Variants in BCO1 observed in about 807,000 individuals in gnomAD.
The protein encoded by BCO1 is beta,beta-carotene 15,15'-dioxygenase.
A neutral mutation model predicts 56.3 loss-of-function variants in BCO1; 54 were observed. The observed-to-expected ratio is 0.96, with a 90% CI of 0.77 to 1.20. The LOEUF (loss-of-function observed/expected upper bound fraction) is 1.20, where lower values mean the gene tolerates loss of function less well. Among genes scored for constraint, BCO1 ranks in the 50% most tolerant of loss-of-function variants. BCO1 has a pLI of 0.00. For synonymous variants in BCO1, 318 were observed against 266.1 expected (o/e 1.20, Z -1.90); for missense variants, 801 against 690.9 (o/e 1.16, Z -1.79).
intron 2 of BCO1, among the ~76,000 whole-genome samples, chr16:81,255,663 C>T (rs576220411): frequency 6.6e-6 from 1 of 151,940 alleles, no homozygotes; most frequent in Admixed American, 6.6e-5. Context: ...CCTCCCACCA[C>T]ACCCAGCTAA....
chr16:81,255,493 A>ATTTTTTTT (rs59941695), intron 2 of BCO1, among the ~76,000 whole-genome samples: 1 of 150,998 alleles, frequency 6.6e-6, no homozygotes, highest in African/African-American at 2.4e-5. Flanking sequence ...ACATTATGTT[A>ATTTTTTTT]TTTTTTTTTA....
At chr16:81,241,566 C>T (rs745907772) in intron 1 of BCO1, among the ~76,000 whole-genome samples, 4 of 152,192 alleles carry the variant, frequency 2.6e-5, no homozygotes, top group Admixed American at 1.3e-4. Flanking sequence ...CCCAGACCCA[C>T]GGGGTCAGAC....
intron 7 of BCO1, among the ~76,000 whole-genome samples, chr16:81,276,243 T>C (rs1454362307): frequency 6.6e-6 from 1 of 152,246 alleles, no homozygotes. Context: ...TTTGGCACTT[T>C]GGAGGACTGT....
At chr16:81,241,053 C>T (rs1418363930) in intron 1 of BCO1, among the ~76,000 whole-genome samples, 3 of 152,196 alleles carry the variant, frequency 2.0e-5, no homozygotes, top group Non-Finnish European at 2.9e-5. Flanking sequence ...AGGCTGGTCG[C>T]AAACTCCCAA....
At chr16:81,242,264 A>G (rs1417563642) in intron 1 of BCO1, among the ~76,000 whole-genome samples, 2 of 145,494 alleles carry the variant, frequency 1.4e-5, no homozygotes, top group African/African-American at 2.6e-5. Context: ...CAATGGCGCA[A>G]TCTTCGGCTC....
chr16:81,261,908 A>AT (rs1906507980), intron 3 of BCO1: 3 of 447,416 alleles, frequency 6.7e-6, no homozygotes, highest in Non-Finnish European at 4.2e-6. Context: ...CGCCCGGCTG[A>AT]TTTTTTGTAT....
At chr16:81,273,259 A>G (rs973810461) in intron 7 of BCO1, among the ~76,000 whole-genome samples, 21 of 152,162 alleles carry the variant, frequency 1.4e-4, no homozygotes, top group Admixed American at 1.2e-3. Flanking sequence ...CTGAGATTAC[A>G]GGCATGAGCC....
intron 7 of BCO1, among the ~76,000 whole-genome samples, chr16:81,273,244 AAGTGCTGAGATTAC>A (rs1209653334): frequency 6.6e-6 from 1 of 152,058 alleles, no homozygotes; most frequent in Non-Finnish European, 1.5e-5. Context: ...CGGCCTTCCA[AAGTGCTGAGATTAC>A]AGGCATGAGC....
At position 81,267,983 on chromosome 16, in the gene BCO1, C is replaced by T; in HGVS notation, c.695C>T (p.Ser232Phe). 1 of 1,614,044 alleles carries T rather than the reference C, an allele frequency of 6.2e-7. No homozygotes were observed. Among genetic ancestry groups the T allele is most frequent in the Non-Finnish European group, 8.5e-7 (1 of 1,180,026 alleles). The change falls in exon 6 of 11, where the codon TCC (serine) becomes TTC (phenylalanine). Residue 232 changes from serine to phenylalanine, a missense_variant. By Grantham distance (155) the Ser-to-Phe change is radical (BLOSUM62 -2). Coordinates refer to ENST00000258168, the MANE Select transcript of BCO1 (RefSeq NM_017429.3). ...FCSIPSRSLL[S>F]PSYYHSFGVT... ...TCCATCCCATCCCGCTCCCTGCTCT[C>T]CCCAAGCTACTACCACAGCTTTGGA...
At chr16:81,284,299 T>C (rs1009980026) in intron 8 of BCO1, among the ~76,000 whole-genome samples, 2 of 113,628 alleles carry the variant, frequency 1.8e-5, no homozygotes, top group South Asian at 5.9e-4. Context: ...TATTTATATA[T>C]ACACACACAT....
In BCO1 at chr16:81,245,366, A is replaced by G. The variant is rs973731038; in HGVS notation, c.65-109A>G. On this transcript the variant is annotated intron_variant, in intron 1 of 10. Coordinates refer to ENST00000258168, the MANE Select transcript of BCO1 (RefSeq NM_017429.3). The stretch of plus-strand genomic sequence containing the variant: ...GACTGTAGAATAAACGAACAGATGC[A>G]AGGAGTGGTACTGGGACCACAACTC... 1.0e-5 allele frequency: 15 copies of G among 1,499,442 alleles called. No homozygotes were observed. The African/African-American group carries it at 1.5e-4, about 15-fold the overall frequency. 92.9% of individuals were successfully genotyped at this position (1,499,442 alleles called of 1,614,324 possible).
At chr16:81,245,738 A>G (rs186917478) in intron 2 of BCO1, 135 bp downstream of exon 2, 5 of 1,084,720 alleles carry the variant, frequency 4.6e-6, no homozygotes, top group Non-Finnish European at 6.8e-6. Context: ...ACTGAAATCA[A>G]GGTGTTCATA....
chr16:81,273,290 C>T (rs1209836020), intron 7 of BCO1, among the ~76,000 whole-genome samples: 1 of 152,088 alleles, frequency 6.6e-6, no homozygotes, highest in Non-Finnish European at 1.5e-5. Context: ...GCCCTAAACC[C>T]CTGTTTGTAA....
chr16:81,239,109 T>C lies in BCO1; in HGVS notation c.64+137T>C. 6.9e-6 allele frequency: 5 copies of C among 724,900 alleles called. No homozygotes were observed. In the South Asian group the frequency reaches 8.9e-5, roughly 13 times the overall value. 44.9% of individuals were successfully genotyped at this position (724,900 alleles called of 1,614,324 possible). The stretch of plus-strand genomic sequence containing the variant: ...TCGGCCCACTGCAACCTCTGCCTCC[T>C]GGGTTCAAACGATCCTCCCACCACA... On this transcript the variant is annotated intron_variant, in intron 1 of 10. Coordinates refer to ENST00000258168, the MANE Select transcript of BCO1 (RefSeq NM_017429.3).
chr16:81,255,739 T>G (rs1041545859), intron 2 of BCO1, among the ~76,000 whole-genome samples: 1 of 151,932 alleles, frequency 6.6e-6, no homozygotes, highest in Non-Finnish European at 1.5e-5. Flanking sequence ...ACTCCTGACC[T>G]TGTGATCCGC....
chr16:81,286,064 T>A (rs1358750315), intron 9 of BCO1, among the ~76,000 whole-genome samples: 1 of 150,610 alleles, frequency 6.6e-6, no homozygotes, highest in Non-Finnish European at 1.5e-5. Flanking sequence ...AAAAAAAAAA[T>A]ACAGAAAGAG....
At chr16:81,248,405 CAAAA>C (rs372084002) in intron 2 of BCO1, among the ~76,000 whole-genome samples, 4 of 102,796 alleles carry the variant, frequency 3.9e-5, no homozygotes, top group South Asian at 3.4e-4. Flanking sequence ...CTCCCTCTCA[CAAAA>C]AAAAAAAAAA....
chr16:81,249,692 C>T lies in BCO1; in HGVS notation c.193+4089C>T, dbSNP rs142679720. Among the ~76,000 whole-genome samples the T allele has an allele frequency of 2.0e-3, 303 of 152,138 alleles. 2 individuals carry two copies. In the East Asian group the frequency reaches 0.03, roughly 15 times the overall value. ...CTGGGATTACAGGCGTGAGCCACCGCGCCCGGCCGAGTCAGTTTTATTCAC... is the reference window on the plus strand; with the variant it reads ...CTGGGATTACAGGCGTGAGCCACCGTGCCCGGCCGAGTCAGTTTTATTCAC... On this transcript the variant is annotated intron_variant, in intron 2 of 10. Coordinates refer to ENST00000258168, the MANE Select transcript of BCO1 (RefSeq NM_017429.3).
At chr16:81,257,214 C>G (rs539342090) in intron 2 of BCO1, among the ~76,000 whole-genome samples, 3 of 152,266 alleles carry the variant, frequency 2.0e-5, no homozygotes, top group Admixed American at 1.3e-4. Context: ...CCTCTCACCC[C>G]TGCCCCAGGA....
Sources: allele counts gnomAD v4.1 joint callset (sites outside exome capture counted in the v4.1 genomes callset), GRCh38; gene constraint gnomAD v4.1.1; transcripts MANE v1.5; gene names NCBI Gene and HGNC (gene_info 2026-07-23, HGNC 2026-07-21).